Variants in ZFHX3 observed in about 807,000 individuals in gnomAD.
The protein encoded by ZFHX3 is zinc finger homeobox protein 3.
In ZFHX3, 42 loss-of-function variants were observed where a neutral mutation model predicts 279.1. That is an observed-to-expected ratio of 0.15 (90% CI 0.12 to 0.19). The LOEUF (loss-of-function observed/expected upper bound fraction) is 0.19, where lower values mean the gene tolerates loss of function less well. Among genes scored for constraint, ZFHX3 ranks in the 10% least tolerant of loss-of-function variants. ZFHX3 has a pLI of 1.00. For missense variants in ZFHX3, 4,981 were observed against 4,754.0 expected (o/e 1.05, Z -1.40); for synonymous variants, 2,293 against 1,957.8 (o/e 1.17, Z -4.52).
chr16:73,370,421 T>G (rs1483522222), intron 3 of ZFHX3, among the ~76,000 whole-genome samples: 1 of 152,184 alleles, frequency 6.6e-6, no homozygotes, highest in African/African-American at 2.4e-5. Flanking sequence ...TTAAGACATG[T>G]GAGAGCTTCA....
At chr16:73,617,755 T>A (rs923570098) in intron 2 of ZFHX3, among the ~76,000 whole-genome samples, 1 of 152,180 alleles carries the variant, frequency 6.6e-6, no homozygotes, top group Non-Finnish European at 1.5e-5. Context: ...GGGAGGGCTC[T>A]CAAAATGTTA....
At chr16:73,180,509 G>A (rs931530877) in intron 5 of ZFHX3, among the ~76,000 whole-genome samples, 2 of 152,154 alleles carry the variant, frequency 1.3e-5, no homozygotes, top group Non-Finnish European at 2.9e-5. Context: ...CCCATCAGAG[G>A]TTCAAGAATT....
chr16:72,973,754 C>T (rs565171991), intron 1 of ZFHX3: 23 of 152,188 alleles, frequency 1.5e-4, no homozygotes, highest in African/African-American at 5.1e-4. Flanking sequence ...CGCCTGTAAT[C>T]CCAGTTACTT....
intron 2 of ZFHX3, among the ~76,000 whole-genome samples, chr16:73,507,057 T>G (rs1289126781): frequency 2.6e-5 from 4 of 152,200 alleles, no homozygotes; most frequent in Non-Finnish European, 2.9e-5. Flanking sequence ...TGGGTTCTCC[T>G]GTTTTCTACT....
chr16:73,018,682 CTTGGCT>C (rs1300726249), intron 1 of ZFHX3, among the ~76,000 whole-genome samples: 20 of 152,238 alleles, frequency 1.3e-4, no homozygotes, highest in African/African-American at 4.6e-4. Flanking sequence ...TCACCCCAGG[CTTGGCT>C]GTGTGTTATC....
At chr16:73,003,419 G>A (rs1963568853) in intron 1 of ZFHX3, among the ~76,000 whole-genome samples, 1 of 151,932 alleles carries the variant, frequency 6.6e-6, no homozygotes. Context: ...TAGGCACAAT[G>A]GCTCACACCT....
intron 1 of ZFHX3, among the ~76,000 whole-genome samples, chr16:73,706,486 T>C (rs1298235868): frequency 6.6e-6 from 1 of 151,732 alleles, no homozygotes; most frequent in East Asian, 1.9e-4. Flanking sequence ...AGAAAAATCA[T>C]TTCTGATCAT....
intron 3 of ZFHX3, among the ~76,000 whole-genome samples, chr16:73,392,226 C>A (rs1191848239): frequency 6.6e-6 from 1 of 151,620 alleles, no homozygotes; most frequent in African/African-American, 2.4e-5. Context: ...TCAATACCAG[C>A]CTGGCCAACA....
intron 1 of ZFHX3, among the ~76,000 whole-genome samples, chr16:73,683,834 T>C (rs1039862332): frequency 2.0e-5 from 3 of 152,198 alleles, no homozygotes; most frequent in African/African-American, 7.2e-5. Flanking sequence ...CACAGAATAG[T>C]ATAATAGAAT....
rs185005178 is a variant in ZFHX3 at position 73,190,011 on chromosome 16, A to C, written c.-1103-46180T>G. 7.2e-5 allele frequency among the ~76,000 whole-genome samples: 11 copies of C among 152,370 alleles called. No individual in the cohort carries two copies. In the East Asian group the frequency reaches 2.1e-3, roughly 29 times the overall value. Reference sequence around the variant, plus strand: ...TGGAGGTGATGTTATGGGCTCACCAACATCTCACATCCACTCTTGAAAGAA... The same window carrying C: ...TGGAGGTGATGTTATGGGCTCACCACCATCTCACATCCACTCTTGAAAGAA... On this transcript the variant is annotated intron_variant, in intron 5 of 17. Transcript: ENST00000641206.
At chr16:73,428,558 G>A (rs1017793007) in intron 3 of ZFHX3, among the ~76,000 whole-genome samples, 8 of 152,148 alleles carry the variant, frequency 5.3e-5, no homozygotes, top group African/African-American at 1.9e-4. Context: ...GGCATGCAGG[G>A]TCGAGGAATA....
intron 7 of ZFHX3, among the ~76,000 whole-genome samples, chr16:73,101,940 A>C (rs1208414916): frequency 3.3e-5 from 4 of 121,558 alleles, no homozygotes; most frequent in Non-Finnish European, 6.6e-5. Context: ...TTGAGACAGG[A>C]TCTCATTCTG....
At chr16:73,161,981 A>G (rs1290985437) in intron 5 of ZFHX3, among the ~76,000 whole-genome samples, 1 of 152,260 alleles carries the variant, frequency 6.6e-6, no homozygotes, top group African/African-American at 2.4e-5. Flanking sequence ...GGAACAGCCC[A>G]TTGTTATAAT....
At chr16:73,804,929 GGAGGGAGA>G (rs1960237411) in intron 1 of ZFHX3, among the ~76,000 whole-genome samples, 3 of 133,052 alleles carry the variant, frequency 2.3e-5, no homozygotes, top group Admixed American at 1.5e-4. Context: ...GGAGAGGGAG[GGAGGGAGA>G]GAGGGAGAGG....
chr16:73,810,855 A>G (rs925619876), intron 1 of ZFHX3, among the ~76,000 whole-genome samples: 20 of 152,150 alleles, frequency 1.3e-4, no homozygotes, highest in Admixed American at 8.5e-4. Context: ...GATCATCTCC[A>G]TGGTCTTCCA....
At chr16:73,406,455 C>A (rs1162089253) in intron 3 of ZFHX3, among the ~76,000 whole-genome samples, 1 of 152,226 alleles carries the variant, frequency 6.6e-6, no homozygotes, top group Non-Finnish European at 1.5e-5. Context: ...GGGCCTGCTT[C>A]TGCTTCTTTA....
intron 8 of ZFHX3, among the ~76,000 whole-genome samples, chr16:73,084,144 A>C (rs1965981079): frequency 6.6e-6 from 1 of 152,256 alleles, no homozygotes; most frequent in Non-Finnish European, 1.5e-5. Context: ...CAATGATCTT[A>C]ATAAAAATGT....
intron 3 of ZFHX3, among the ~76,000 whole-genome samples, chr16:72,896,172 G>A (rs2038895122): frequency 6.6e-6 from 1 of 152,140 alleles, no homozygotes; most frequent in Non-Finnish European, 1.5e-5. Flanking sequence ...ACACGTTCGG[G>A]GGTCAACAGC....
At chr16:73,822,298 T>C (rs1960768837) in intron 1 of ZFHX3, among the ~76,000 whole-genome samples, 1 of 152,176 alleles carries the variant, frequency 6.6e-6, no homozygotes, top group Non-Finnish European at 1.5e-5. Context: ...CTTTCTTCTC[T>C]AGATGCCCAG....
Sources: allele counts gnomAD v4.1 joint callset (sites outside exome capture counted in the v4.1 genomes callset), GRCh38; gene constraint gnomAD v4.1.1; transcripts MANE v1.5; gene names NCBI Gene and HGNC (gene_info 2026-07-23, HGNC 2026-07-21).